The following NUP155 variants were observed in gnomAD, a reference collection of about 807,000 sequenced individuals.
The protein encoded by NUP155 is nucleoporin 155.
In NUP155, 71 loss-of-function variants were observed where a neutral mutation model predicts 180.4. That is an observed-to-expected ratio of 0.39 (90% CI 0.33 to 0.48). NUP155 has a LOEUF of 0.48. Among genes scored for constraint, NUP155 ranks in the 20% least tolerant of loss-of-function variants. The pLI is 0.91. For synonymous variants in NUP155, 582 were observed against 559.5 expected (o/e 1.04, Z -0.57); for missense variants, 1,553 against 1,648.9 (o/e 0.94, Z 1.01).
intron 8 of NUP155, 46 bp downstream of exon 8, chr5:37,349,126 T>A: frequency 2.2e-6 from 1 of 450,462 alleles, no homozygotes; most frequent in East Asian, 4.1e-5. Context: ...TCCTTAAAAA[T>A]AAGGATTTAT....
At chr5:37,301,915 A>G (rs1742882454) in intron 29 of NUP155, among the ~76,000 whole-genome samples, 1 of 152,190 alleles carries the variant, frequency 6.6e-6, no homozygotes, top group Admixed American at 6.5e-5. Context: ...AAGACAGTGA[A>G]TGTGTTCTTT....
intron 1 of NUP155, among the ~76,000 whole-genome samples, chr5:37,368,053 T>A (rs1305248908): frequency 1.3e-5 from 2 of 151,090 alleles, no homozygotes; most frequent in Non-Finnish European, 3.0e-5. Context: ...AGTGCTGGGA[T>A]TATGGGCGTG....
At position 37,370,973 on chromosome 5, in the gene NUP155, G is replaced by A. The variant is rs779302171; in HGVS notation, c.5C>T (p.Pro2Leu). 5 of 1,613,692 alleles carry A rather than the reference G, an allele frequency of 3.1e-6. No individual in the cohort carries two copies. In the East Asian group the frequency reaches 8.9e-5, roughly 29 times the overall value. ...CATCGCCGCGCCCAACAAAGAAGAC[G>A]GCATCTCGGAAATCGTAGACACCAG... M[P>L]SSLLGAAMPA... is the part of the protein sequence containing the mutation. Residue 2 changes from proline to leucine, a missense_variant, in exon 1 of 35, where the codon CCG becomes CTG. Coordinates refer to ENST00000231498, the MANE Select transcript of NUP155 (RefSeq NM_153485.3).
At position 37,299,565 on chromosome 5, in the gene NUP155, A is replaced by G; in HGVS notation, c.3565T>C (p.Tyr1189His). 6.2e-7 allele frequency: 1 copy of G among 1,614,032 alleles called. No homozygotes were observed. Among genetic ancestry groups the G allele is most frequent in the Middle Eastern group, 1.7e-4 (1 of 6,060 alleles). ...TTAAATGGGTCAGCAAATTCCCCAT[A>G]AAGCTGTGAGAGAAAATCCCAAAAT... Reference protein sequence around the residue: ...DSELMDITKLYGEFADPFKLA... With the variant: ...DSELMDITKLHGEFADPFKLA... The change falls in exon 31 of 35, where the codon TAT becomes CAT. Residue 1189 changes from tyrosine (Y) to histidine (H), a missense_variant. Transcript: ENST00000231498.
At chr5:37,360,955 G>A (rs72736783) in intron 3 of NUP155, among the ~76,000 whole-genome samples, 2,108 of 152,012 alleles carry the variant, frequency 0.014, 21 homozygotes, top group Non-Finnish European at 0.023. Flanking sequence ...TGAAGAAAGA[G>A]AATGTATCAG....
intron 10 of NUP155, among the ~76,000 whole-genome samples, chr5:37,341,930 A>G (rs1449342507): frequency 6.6e-6 from 1 of 152,192 alleles, no homozygotes; most frequent in Non-Finnish European, 1.5e-5. Context: ...GAATCAATAC[A>G]TTTCATTAGA....
chr5:37,348,232 A>T (rs1282397878), intron 9 of NUP155, among the ~76,000 whole-genome samples: 3 of 152,070 alleles, frequency 2.0e-5, no homozygotes, highest in Non-Finnish European at 2.9e-5. Context: ...TGAACCCAGG[A>T]GGTGGAGGTT....
intron 1 of NUP155, among the ~76,000 whole-genome samples, chr5:37,366,809 G>A (rs1747614459): frequency 6.6e-6 from 1 of 151,908 alleles, no homozygotes; most frequent in African/African-American, 2.4e-5. Flanking sequence ...CTGTTGCCAC[G>A]CCAGGCTAAT....
Position 37,298,936 on chromosome 5 carries a change from T to C in NUP155, c.3725A>G (p.His1242Arg). 1.2e-6 allele frequency: 2 copies of C among 1,613,334 alleles called. No individual in the cohort carries two copies. The highest frequency in any genetic ancestry group is 1.7e-6 in the Non-Finnish European group (2 of 1,179,262). Residue 1242 changes from histidine (H) to arginine (R), a missense_variant, in exon 32 of 35, where the codon CAT (histidine) becomes CGT (arginine). Coordinates refer to ENST00000231498, the MANE Select transcript of NUP155 (RefSeq NM_153485.3). ...SVTLSSSDRM[H>R]ALSLKIVLLG... ...GAGAACAATCTTGAGACTAAGAGCA[T>C]GCATTCTATCCGAGGAGCTCAATGT...
chr5:37,298,862 G>A lies in NUP155; in HGVS notation c.3793+6C>T, dbSNP rs775655977. On this transcript the variant is annotated splice_donor_region_variant and intron_variant, in intron 32 of 34. Transcript: ENST00000231498. ...ATACGTGACTGCACCTAAGATCACA[G>A]CTTACCTAAAGGAAAGAAGCGTGGT... The A allele has an allele frequency of 2.6e-6, 4 of 1,509,630 alleles. No individual in the cohort carries two copies. Among genetic ancestry groups the A allele is most frequent in the Non-Finnish European group, 3.7e-6 (4 of 1,085,246 alleles). 93.5% of individuals were successfully genotyped at this position (1,509,630 alleles called of 1,614,324 possible).
intron 32 of NUP155, among the ~76,000 whole-genome samples, chr5:37,297,808 G>A (rs1197978232): frequency 6.6e-6 from 1 of 151,912 alleles, no homozygotes; most frequent in African/African-American, 2.4e-5. Context: ...GTATGGAAAG[G>A]GAACCGTTTC....
At chr5:37,350,076 G>A in intron 7 of NUP155, 84 bp downstream of exon 7, 1 of 944,220 alleles carries the variant, frequency 1.1e-6, no homozygotes. Flanking sequence ...TTTCAATTAA[G>A]AATGATAATT....
intron 13 of NUP155, 116 bp from the exon 14 acceptor site, chr5:37,331,911 T>C: frequency 2.8e-6 from 2 of 718,690 alleles, no homozygotes; most frequent in Non-Finnish European, 4.9e-6. Context: ...CATTCAACAA[T>C]ACAAAGTAGG....
At chr5:37,368,663 T>C (rs901591662) in intron 1 of NUP155, among the ~76,000 whole-genome samples, 3 of 151,602 alleles carry the variant, frequency 2.0e-5, no homozygotes, top group African/African-American at 4.8e-5. Context: ...CTACTAAAAA[T>C]AGAAAAATGA....
Position 37,333,653 on chromosome 5 carries a change from GT to G in NUP155, c.1348-21del. On this transcript the variant is annotated intron_variant, in intron 12 of 34. Coordinates refer to ENST00000231498, the MANE Select transcript of NUP155 (RefSeq NM_153485.3). ...TGTCATCTATGTAAAAGAAATAAATGTTTTATACATCATATTGAAGTTACAT... is the reference window on the plus strand; with the variant it reads ...TGTCATCTATGTAAAAGAAATAAATGTTTATACATCATATTGAAGTTACAT... 6.3e-7 allele frequency: 1 copy of G among 1,595,500 alleles called. No homozygotes were observed. Among genetic ancestry groups the G allele is most frequent in the Non-Finnish European group, 8.6e-7 (1 of 1,165,884 alleles).
Position 37,291,356 on chromosome 5 carries a change from C to T in NUP155, c.*544G>A, listed in dbSNP as rs924448071. ...TCCCGGGTTCAAGTGATTCGCCTCC[C>T]TCAGCCTCCCGAGTAGCTGGGATTA... On this transcript the variant is annotated 3_prime_UTR_variant, in exon 35 of 35. Transcript: ENST00000231498. 1.3e-5 allele frequency: 2 copies of T among 153,256 alleles called. No homozygotes were observed. Among genetic ancestry groups the T allele is most frequent in the Non-Finnish European group, 2.9e-5 (2 of 68,918 alleles). The allele number at this position is 153,256 out of a possible 1,614,324, so 9.5% of individuals were successfully genotyped here.
At chr5:37,311,882 G>A (rs1440493308) in intron 22 of NUP155, among the ~76,000 whole-genome samples, 8 of 152,050 alleles carry the variant, frequency 5.3e-5, no homozygotes, top group Admixed American at 1.3e-4. Flanking sequence ...TCAGCCAGGC[G>A]TTGTGGCACA....
Position 37,291,953 on chromosome 5 carries a change from C to T in NUP155, c.4123G>A (p.Ala1375Thr), listed in dbSNP as rs753487588. The T allele has an allele frequency of 6.2e-7, 1 of 1,613,994 alleles. No homozygotes were observed. Among genetic ancestry groups the T allele is most frequent in the Admixed American group, 1.7e-5 (1 of 60,006 alleles). The stretch of plus-strand genomic sequence containing the variant: ...AGAGATTTAAAATTCCCAGTGATGG[C>T]TTGTACTGCTACTGACGAGCTCATA... Reference protein sequence around the residue: ...QSMSSSVAVQAITGNFKSLQA... With the variant: ...QSMSSSVAVQTITGNFKSLQA... The change falls in exon 35 of 35, where the codon GCC (alanine) becomes ACC (threonine). Residue 1375 changes from alanine (A) to threonine (T), a missense_variant. Ala to Thr is a moderately conservative substitution (Grantham distance 58, BLOSUM62 0). Transcript: ENST00000231498.
rs368991435 is a variant in NUP155, at chr5:37,341,179, G to A, written c.1157C>T (p.Thr386Met). 6.2e-6 allele frequency: 10 copies of A among 1,613,756 alleles called. No individual in the cohort carries two copies. The highest frequency in any genetic ancestry group is 1.6e-4 in the Middle Eastern group (1 of 6,084). The change falls in exon 11 of 35, where the codon ACG becomes ATG. Residue 386 changes from threonine to methionine, a missense_variant. Physicochemically the swap from Thr to Met is moderately conservative, Grantham distance 81. Transcript: ENST00000231498. ...RQPLARPNTL[T>M]LVHVRLPPGF... ...AGGAGGTAAGCGGACATGAACCAGC[G>A]TCAGTGTATTAGGCCGTGCTAATGG...
Sources: allele counts gnomAD v4.1 joint callset (sites outside exome capture counted in the v4.1 genomes callset), GRCh38; gene constraint gnomAD v4.1.1; transcripts MANE v1.5; gene names NCBI Gene and HGNC (gene_info 2026-07-23, HGNC 2026-07-21).